The following ENTPD7 variants were observed in gnomAD, a reference collection of about 807,000 sequenced individuals.
ENTPD7 encodes the protein ectonucleoside triphosphate diphosphohydrolase 7.
ENTPD7 carries 53 observed loss-of-function variants against 77.9 expected under a neutral mutation model. That is an observed-to-expected ratio of 0.68 (90% CI 0.55 to 0.85). The LOEUF (loss-of-function observed/expected upper bound fraction) is 0.85. ENTPD7 is among the 40% of genes least tolerant of loss of function. ENTPD7 has a pLI of 0.00. For synonymous variants in ENTPD7, 248 were observed against 274.9 expected (o/e 0.90, Z 0.97); for missense variants, 636 against 743.7 (o/e 0.86, Z 1.68).
chr10:99,700,864 C>T lies in ENTPD7; in HGVS notation c.1336-109C>T, dbSNP rs745782151. The T allele has an allele frequency of 5.9e-6, 5 of 853,296 alleles. No homozygotes were observed. The South Asian group carries it at 5.9e-5, about 10-fold the overall frequency. The allele number at this position is 853,296 out of a possible 1,614,324, so 52.9% of individuals were successfully genotyped here. On this transcript the variant is annotated intron_variant, in intron 10 of 12. Transcript: ENST00000370489. The stretch of plus-strand genomic sequence containing the variant: ...ACACACCATTTCTGTTTTCCTTTGT[C>T]AGCTGGTAGCCCACAAGTAACTTTA...
intron 3 of ENTPD7, among the ~76,000 whole-genome samples, chr10:99,677,320 T>G (rs1002484864): frequency 6.6e-6 from 1 of 151,198 alleles, no homozygotes; most frequent in African/African-American, 2.4e-5. Context: ...GATCTAGGAG[T>G]TGGCTTTAAA....
At chr10:99,662,714 A>G (rs1564625985) in intron 3 of ENTPD7, among the ~76,000 whole-genome samples, 1 of 152,176 alleles carries the variant, frequency 6.6e-6, no homozygotes, top group Non-Finnish European at 1.5e-5. Context: ...TCATTGATTT[A>G]TTGAGGGAAT....
At chr10:99,681,661 CAG>C (rs1422652244) in intron 5 of ENTPD7, among the ~76,000 whole-genome samples, 5 of 152,280 alleles carry the variant, frequency 3.3e-5, no homozygotes, top group African/African-American at 9.6e-5. Context: ...CAGCAGTATG[CAG>C]AGTTTCCAAT....
At position 99,691,384 on chromosome 10, in the gene ENTPD7, G is replaced by C; in HGVS notation, c.710-1G>C. 1 of 1,611,748 alleles carries C rather than the reference G, an allele frequency of 6.2e-7. No individual in the cohort carries two copies. Among genetic ancestry groups the C allele is most frequent in the Non-Finnish European group, 8.5e-7 (1 of 1,179,184 alleles). ...CCTTTTTGTTCTCTTATTTATTTCA[G>C]AATCAGATGCTGAGGCTACCCAGGA... On this transcript the variant is annotated splice_acceptor_variant, in intron 7 of 12. Coordinates refer to ENST00000370489, the MANE Select transcript of ENTPD7 (RefSeq NM_020354.5). LOFTEE classifies it high-confidence loss of function.
chr10:99,660,526 GCACACACACACACA>G (rs68112730), intron 2 of ENTPD7: 34 of 283,318 alleles, frequency 1.2e-4, no homozygotes, highest in East Asian at 4.7e-4. Flanking sequence ...GAATGGATAC[GCACACACACACACA>G]CACACACACA....
chr10:99,666,534 CT>C (rs1243850587), intron 3 of ENTPD7, among the ~76,000 whole-genome samples: 1 of 152,034 alleles, frequency 6.6e-6, no homozygotes, highest in African/African-American at 2.4e-5. Context: ...AGAAAGCTCA[CT>C]TTGGTGGGAT....
chr10:99,696,367 T>G (rs2035978459), intron 9 of ENTPD7, among the ~76,000 whole-genome samples: 1 of 152,212 alleles, frequency 6.6e-6, no homozygotes. Flanking sequence ...TCTTGCTGTT[T>G]CCCATATTCA....
In ENTPD7 at chr10:99,706,901, A is replaced by C. The variant is rs2036264814; in HGVS notation, c.*2218A>C. ...TAGTCAGAAGCTACTTCACTGGCTA[A>C]CAGTGATCATGTTCATGTGCTAAAA... On this transcript the variant is annotated 3_prime_UTR_variant, in exon 13 of 13. Transcript: ENST00000370489. Among the ~76,000 whole-genome samples the C allele has an allele frequency of 6.6e-6, 1 of 152,222 alleles. No individual in the cohort carries two copies. Among genetic ancestry groups the C allele is most frequent in the African/African-American group, 2.4e-5 (1 of 41,460 alleles).
intron 10 of ENTPD7, among the ~76,000 whole-genome samples, chr10:99,700,476 A>C (rs995906639): frequency 1.3e-5 from 2 of 150,868 alleles, no homozygotes; most frequent in African/African-American, 4.9e-5. Flanking sequence ...CTAGAATGTA[A>C]GCTTCCTGAG....
intron 3 of ENTPD7, 64 bp downstream of exon 3, chr10:99,661,692 A>G (rs867928709): frequency 5.8e-6 from 8 of 1,371,248 alleles, no homozygotes; most frequent in Admixed American, 2.5e-5. Flanking sequence ...TTAACACACT[A>G]CTGACTTTGA....
At chr10:99,665,034 C>T (rs898160417) in intron 3 of ENTPD7, among the ~76,000 whole-genome samples, 8 of 151,754 alleles carry the variant, frequency 5.3e-5, no homozygotes, top group East Asian at 2.0e-4. Flanking sequence ...GTGGATTGCA[C>T]GAGCTCAAGA....
chr10:99,681,106 C>T (rs888179160), intron 5 of ENTPD7, among the ~76,000 whole-genome samples: 1 of 152,068 alleles, frequency 6.6e-6, no homozygotes, highest in African/African-American at 2.4e-5. Context: ...GTTTTCTTTA[C>T]ATATTCATCT....
In ENTPD7 at chr10:99,702,613, A is replaced by T. The variant is rs777769000; in HGVS notation, c.1523A>T (p.Asp508Val). ...PNLRTAQLVY[D>V]REVQWTLGAI... ...CTGCGGACAGCCCAGCTGGTGTATG[A>T]CCGAGAGGTTCAGTGGACGCTGGGA... Residue 508 changes from aspartate (D) to valine (V), a missense_variant, in exon 12 of 13, where the codon GAC (aspartate) becomes GTC (valine). Asp to Val is a radical substitution (Grantham distance 152). This residue lies in a region of ENTPD7 where 138 missense variants were observed against 150.9 expected (regional missense o/e 0.91). Coordinates refer to ENST00000370489, the MANE Select transcript of ENTPD7 (RefSeq NM_020354.5). 7.4e-6 allele frequency: 12 copies of T among 1,613,786 alleles called. No individual in the cohort carries two copies. The South Asian group carries it at 1.1e-4, about 15-fold the overall frequency.
At chr10:99,693,173 A>AC (rs1208781292) in intron 8 of ENTPD7, among the ~76,000 whole-genome samples, 1 of 152,186 alleles carries the variant, frequency 6.6e-6, no homozygotes, top group African/African-American at 2.4e-5. Context: ...GAGAAGAGCA[A>AC]CAGGGGTAAG....
At chr10:99,682,695 T>C (rs573401846) in intron 5 of ENTPD7, among the ~76,000 whole-genome samples, 5 of 152,310 alleles carry the variant, frequency 3.3e-5, no homozygotes, top group African/African-American at 9.6e-5. Context: ...ATACTGTGCA[T>C]GCAATTAAGA....
At position 99,685,778 on chromosome 10, in the gene ENTPD7, G is replaced by C; in HGVS notation, c.549-14G>C. The C allele has an allele frequency of 1.2e-6, 2 of 1,605,262 alleles. No homozygotes were observed. The highest frequency in any genetic ancestry group is 2.2e-5 in the East Asian group (1 of 44,824). On this transcript the variant is annotated splice_polypyrimidine_tract_variant and intron_variant, in intron 5 of 12. Transcript: ENST00000370489. ...TTAGTGACTAACTTTGGGATTTTTT[G>C]TTCTTTCTTGCAGGAAGCAGTTGGC...
intron 2 of ENTPD7, chr10:99,660,567 TATATTA>T: frequency 3.7e-6 from 1 of 270,972 alleles, no homozygotes. Context: ...CACACAGAGA[TATATTA>T]CTGTAAATAT....
At chr10:99,686,950 C>T (rs1246761712) in intron 6 of ENTPD7, among the ~76,000 whole-genome samples, 2 of 134,242 alleles carry the variant, frequency 1.5e-5, no homozygotes, top group African/African-American at 5.6e-5. Flanking sequence ...CAGAGTTGCA[C>T]TCTTGTTACC....
At chr10:99,669,874 C>T (rs949971607) in intron 3 of ENTPD7, among the ~76,000 whole-genome samples, 1 of 151,468 alleles carries the variant, frequency 6.6e-6, no homozygotes, top group East Asian at 1.9e-4. Context: ...CTCAGCCTCC[C>T]AAGTAGCTGG....
Sources: allele counts gnomAD v4.1 joint callset (sites outside exome capture counted in the v4.1 genomes callset), GRCh38; gene constraint gnomAD v4.1.1; regional missense constraint gnomAD v4.1.1; transcripts MANE v1.5; gene names NCBI Gene and HGNC (gene_info 2026-07-23, HGNC 2026-07-21).